The following CFAP161 variants were observed in gnomAD, a reference collection of about 807,000 sequenced individuals.
CFAP161 encodes the protein cilia and flagella associated protein 161.
Under a neutral mutation model 29.0 loss-of-function variants are expected in CFAP161, and 25 were observed. That is an observed-to-expected ratio of 0.86 (90% CI 0.63 to 1.20). The LOEUF is 1.20. CFAP161 is among the 50% of genes most tolerant of loss of function. The pLI is 0.00. For missense variants in CFAP161, 367 were observed against 371.9 expected (o/e 0.99, Z 0.11); for synonymous variants, 116 against 137.4 (o/e 0.84, Z 1.09).
chr15:81,135,330 A>G lies in CFAP161; in HGVS notation c.130A>G (p.Arg44Gly). ...GGGGAAACTTCTCATACAGAGAAGT[A>G]GAAGACTAAAACAGAATCTCTTGAG... Reference protein sequence around the residue: ...DKGKLLIQRSRRLKQNLLRPM... With the variant: ...DKGKLLIQRSGRLKQNLLRPM... Residue 44 changes from arginine (R) to glycine (G), a missense_variant, in exon 2 of 7, where the codon AGA becomes GGA. Transcript: ENST00000286732. 1 of 1,596,532 alleles carries G rather than the reference A, an allele frequency of 6.3e-7. No homozygotes were observed. Among genetic ancestry groups the G allele is most frequent in the Non-Finnish European group, 8.5e-7 (1 of 1,175,172 alleles).
chr15:81,133,229 T>TA (rs1567156514), upstream of CFAP161, among the ~76,000 whole-genome samples: 133 of 90,522 alleles, frequency 1.5e-3, 5 homozygotes, highest in Non-Finnish European at 3.0e-3. Context: ...ATATATGTAT[T>TA]TTTTTTTAAA....
intron 6 of CFAP161, among the ~76,000 whole-genome samples, 162 bp from the exon 7 acceptor site, chr15:81,148,176 A>G (rs1174431980): frequency 2.0e-5 from 3 of 152,316 alleles, no homozygotes; most frequent in East Asian, 1.9e-4. Flanking sequence ...CTTTGCCCAA[A>G]TAAGGTGTAA....
intron 1 of CFAP161, among the ~76,000 whole-genome samples, chr15:81,100,857 C>A (rs1894296296): frequency 6.6e-6 from 1 of 152,196 alleles, no homozygotes; most frequent in East Asian, 1.9e-4. Flanking sequence ...GTCTTTGTGT[C>A]ATCCTTTGGT....
At chr15:81,118,506 C>T (rs1894528545) in intron 1 of CFAP161, among the ~76,000 whole-genome samples, 1 of 152,244 alleles carries the variant, frequency 6.6e-6, no homozygotes, top group Non-Finnish European at 1.5e-5. Flanking sequence ...GCGGGGCCGC[C>T]CTCAGCGGGA....
intron 1 of CFAP161, among the ~76,000 whole-genome samples, chr15:81,118,968 A>G (rs531859334): frequency 6.6e-5 from 10 of 152,336 alleles, no homozygotes; most frequent in Admixed American, 5.9e-4. Flanking sequence ...TTTAAATAAG[A>G]GTCGTCAGAA....
chr15:81,110,657 A>T lies in CFAP161; in HGVS notation c.-141-16933A>T, dbSNP rs376214247. On this transcript the variant is annotated intron_variant, in intron 1 of 4. Coordinates refer to the CFAP161 transcript ENST00000560091. Reference sequence around the variant, plus strand: ...TCCCTTTTTAGAAGCCAGTGGAGAAAGTAAATAGTAAGAAATCTCTTCCGC... The same window carrying T: ...TCCCTTTTTAGAAGCCAGTGGAGAATGTAAATAGTAAGAAATCTCTTCCGC... Among the ~76,000 whole-genome samples, 238 of 152,328 alleles carry T rather than the reference A, an allele frequency of 1.6e-3. 1 individual carries two copies. Among genetic ancestry groups the T allele is most frequent in the African/African-American group, 5.2e-3 (216 of 41,556 alleles).
At chr15:81,108,116 A>T (rs1238071495) in intron 1 of CFAP161, among the ~76,000 whole-genome samples, 1 of 152,078 alleles carries the variant, frequency 6.6e-6, no homozygotes, top group African/African-American at 2.4e-5. Context: ...GTGCACATTC[A>T]TCCAGTATCT....
rs370247437 is a variant in CFAP161, at chr15:81,143,744, T to A, written c.560T>A (p.Val187Asp). Residue 187 changes from valine to aspartate, a missense_variant, in exon 5 of 7, where the codon GTC becomes GAC. Physicochemically the swap from Val to Asp is radical, Grantham distance 152. Transcript: ENST00000286732. ...WLQEVYLTDEVSHVNCWQAAF... is the reference protein window; with the variant it reads ...WLQEVYLTDEDSHVNCWQAAF... ...CAGGAAGTGTACCTAACAGATGAGG[T>A]CTCCCATGTGAACTGCTGGCAGGCT... 2.3e-5 allele frequency: 37 copies of A among 1,613,944 alleles called. No homozygotes were observed. The highest frequency in any genetic ancestry group is 1.2e-4 in the African/African-American group (9 of 74,888).
chr15:81,105,163 T>TCCATCCCTC (rs1246992229), intron 1 of CFAP161, among the ~76,000 whole-genome samples: 2 of 33,138 alleles, frequency 6.0e-5, no homozygotes, highest in Non-Finnish European at 9.8e-5. Flanking sequence ...CTCCCTCCCT[T>TCCATCCCTC]CCTTCCTCCC....
chr15:81,105,087 CTT>C, intron 1 of CFAP161, among the ~76,000 whole-genome samples: 1 of 71,510 alleles, frequency 1.4e-5, no homozygotes, highest in South Asian at 5.1e-4. Flanking sequence ...TCTTTCTTTT[CTT>C]TTCCCTCCCT....
chr15:81,105,471 G>A (rs1894361656), intron 1 of CFAP161, among the ~76,000 whole-genome samples: 2 of 150,802 alleles, frequency 1.3e-5, no homozygotes, highest in Admixed American at 1.3e-4. Flanking sequence ...AGGCTGGAGT[G>A]CAGTGGCCCA....
At chr15:81,130,188 C>T (rs563095528), upstream of CFAP161, among the ~76,000 whole-genome samples, 6 of 152,292 alleles carry the variant, frequency 3.9e-5, no homozygotes, top group Non-Finnish European at 5.9e-5. Context: ...TGTGGTGGCT[C>T]GTCTGACCTT....
chr15:81,115,143 T>A (rs552856721), intron 1 of CFAP161, among the ~76,000 whole-genome samples: 1 of 152,206 alleles, frequency 6.6e-6, no homozygotes, highest in Admixed American at 6.5e-5. Flanking sequence ...CAGTCTTTTT[T>A]ATTATCAGGC....
At chr15:81,137,799 C>G (rs1424592945) in intron 3 of CFAP161, among the ~76,000 whole-genome samples, 1 of 152,206 alleles carries the variant, frequency 6.6e-6, no homozygotes, top group East Asian at 1.9e-4. Flanking sequence ...TTAGTTTACT[C>G]TAACCAGAGG....
At chr15:81,134,760 A>G (rs1393059519) in intron 1 of CFAP161, among the ~76,000 whole-genome samples, 1 of 152,150 alleles carries the variant, frequency 6.6e-6, no homozygotes, top group East Asian at 1.9e-4. Context: ...CCAGGTGAGG[A>G]CACAGGTTCT....
chr15:81,131,553 C>A (rs1163325163), upstream of CFAP161, among the ~76,000 whole-genome samples: 1 of 152,118 alleles, frequency 6.6e-6, no homozygotes, highest in Non-Finnish European at 1.5e-5. Flanking sequence ...AAAAAACTCA[C>A]TAGCGGAATA....
At chr15:81,101,490 G>C (rs903484481) in intron 1 of CFAP161, among the ~76,000 whole-genome samples, 3 of 116,622 alleles carry the variant, frequency 2.6e-5, no homozygotes, top group African/African-American at 1.0e-4. Context: ...TCACACCACA[G>C]CACTCCAGCC....
intron 1 of CFAP161, among the ~76,000 whole-genome samples, chr15:81,121,720 T>A (rs1168432726): frequency 6.6e-6 from 1 of 152,208 alleles, no homozygotes; most frequent in Non-Finnish European, 1.5e-5. Context: ...TTTTTTTAAC[T>A]TTTAAGTTCA....
intron 1 of CFAP161, chr15:81,117,782 C>A: frequency 3.3e-6 from 1 of 302,298 alleles, no homozygotes; most frequent in South Asian, 3.9e-5. Context: ...TCATCTTTGT[C>A]ATCATCCCCT....
Sources: allele counts gnomAD v4.1 joint callset (sites outside exome capture counted in the v4.1 genomes callset), GRCh38; gene constraint gnomAD v4.1.1; transcripts MANE v1.5; gene names NCBI Gene and HGNC (gene_info 2026-07-23, HGNC 2026-07-21).